The following ADAMTS13 variants were observed in gnomAD, a reference collection of about 807,000 sequenced individuals.
ADAMTS13 encodes the protein ADAM metallopeptidase with thrombospondin type 1 motif 13.
A neutral mutation model predicts 155.1 loss-of-function variants in ADAMTS13; 110 were observed. That is an observed-to-expected ratio of 0.71 (90% CI 0.61 to 0.83). The LOEUF (loss-of-function observed/expected upper bound fraction) is 0.83. ADAMTS13 is among the 40% of genes least tolerant of loss of function. The pLI is 0.00. For synonymous variants in ADAMTS13, 758 were observed against 756.4 expected (o/e 1.00, Z -0.03); for missense variants, 1,707 against 1,891.7 (o/e 0.90, Z 1.81).
intron 11 of ADAMTS13, 94 bp from the exon 12 acceptor site, chr9:133,436,735 T>G (rs912515717): frequency 7.7e-7 from 1 of 1,306,946 alleles, no homozygotes; most frequent in Admixed American, 2.0e-5. Flanking sequence ...ACCCACATCT[T>G]GATCCTGTAC....
Position 133,425,261 on chromosome 9 carries a change from G to A in ADAMTS13, c.331-268G>A, listed in dbSNP as rs1299715451. On this transcript the variant is annotated intron_variant, in intron 3 of 28. Coordinates refer to ENST00000355699, the MANE Select transcript of ADAMTS13 (RefSeq NM_139027.6). The surrounding 1 kb of genome is among the most constrained non-coding windows in gnomAD (Gnocchi z 4.6). The stretch of plus-strand genomic sequence containing the variant: ...AGCGTTTGACCGGAATATCCGACTC[G>A]TGACCATCTGTGTGCTCTCATCCCC... Among the ~76,000 whole-genome samples, 1 of 152,234 alleles carries A rather than the reference G, an allele frequency of 6.6e-6. No homozygotes were observed. The highest frequency in any genetic ancestry group is 1.5e-5 in the Non-Finnish European group (1 of 68,042).
intron 1 of ADAMTS13, among the ~76,000 whole-genome samples, chr9:133,422,752 G>T (rs587620628): frequency 6.6e-6 from 1 of 151,904 alleles, no homozygotes; most frequent in Middle Eastern, 3.2e-3. Context: ...CTGCTCATTC[G>T]GTGAAGCTGA....
rs372388727 is a variant in ADAMTS13 at position 133,445,832 on chromosome 9, G to A, written c.2731+13G>A. ...TCCTGCGGGCGAGGTGAGGGCCCCCGGGATGCTCCTGGGGACCAGCACTCA... is the reference window on the plus strand; with the variant it reads ...TCCTGCGGGCGAGGTGAGGGCCCCCAGGATGCTCCTGGGGACCAGCACTCA... On this transcript the variant is annotated intron_variant, in intron 21 of 28. Transcript: ENST00000355699. This position sits in a 1 kb window ranked among gnomAD's most constrained non-coding sequence, Gnocchi z 5.0. 7.8e-5 allele frequency: 122 copies of A among 1,566,964 alleles called. No homozygotes were observed. The highest frequency in any genetic ancestry group is 3.4e-4 in the Middle Eastern group (2 of 5,890).
chr9:133,416,596 G>T (rs1839621113), intron 1 of ADAMTS13, among the ~76,000 whole-genome samples: 1 of 152,196 alleles, frequency 6.6e-6, no homozygotes, highest in African/African-American at 2.4e-5. Context: ...AAGGGATGTG[G>T]TAAGAATGTA....
chr9:133,444,028 G>C (rs36221468), intron 19 of ADAMTS13, among the ~76,000 whole-genome samples: 15 of 152,268 alleles, frequency 9.9e-5, no homozygotes, highest in African/African-American at 3.1e-4. Context: ...CGACCTGTCC[G>C]GTGGGAGGGG....
intron 1 of ADAMTS13, among the ~76,000 whole-genome samples, chr9:133,415,313 G>A (rs1327623558): frequency 6.6e-6 from 1 of 152,040 alleles, no homozygotes; most frequent in African/African-American, 2.4e-5. Context: ...TTGAGTGGCT[G>A]GACACCACAG....
intron 9 of ADAMTS13, 88 bp downstream of exon 9, chr9:133,432,780 G>C (rs147191556): frequency 1.8e-5 from 24 of 1,313,274 alleles, no homozygotes; most frequent in Non-Finnish European, 2.4e-5. Context: ...AGGTCAGGAG[G>C]CAGGACCAGT....
upstream of ADAMTS13, among the ~76,000 whole-genome samples, chr9:133,419,148 G>A (rs1039855911): frequency 1.3e-5 from 2 of 152,110 alleles, no homozygotes; most frequent in Non-Finnish European, 2.9e-5. Flanking sequence ...CCGGGAGTGG[G>A]TAGATTTGAT....
chr9:133,444,139 C>T (rs1260243890), intron 19 of ADAMTS13, among the ~76,000 whole-genome samples: 2 of 152,172 alleles, frequency 1.3e-5, no homozygotes, highest in Non-Finnish European at 2.9e-5. Flanking sequence ...CCCGCTGAGG[C>T]CAGATAGGGC....
At position 133,424,430 on chromosome 9, in the gene ADAMTS13, GGCTCACCAGGAGGACACAGAGCGCTATGT is replaced by G. The variant is rs387906345; in HGVS notation, c.291_319del (p.Glu98ProfsTer31). 1.2e-6 allele frequency: 2 copies of G among 1,613,902 alleles called. No individual in the cohort carries two copies. Among genetic ancestry groups the G allele is most frequent in the Non-Finnish European group, 1.7e-6 (2 of 1,179,992 alleles). ...TGGCCGTGGGCCCCGATGTCTTCCA[GGCTCACCAGGAGGACACAGAGCGCTATGT>G]GCTCACCAACCTCAACATCGTGAGT... On this transcript the variant is annotated frameshift_variant, in exon 3 of 29. Transcript: ENST00000355699. LOFTEE classifies it high-confidence loss of function. The surrounding 1 kb of genome is among the most constrained non-coding windows in gnomAD (Gnocchi z 4.3).
rs782515042 is a variant in ADAMTS13 at position 133,448,748 on chromosome 9, C to CT, written c.2861+21dup. The CT allele has an allele frequency of 3.8e-6, 6 of 1,597,760 alleles. No homozygotes were observed. Among genetic ancestry groups the CT allele is most frequent in the Non-Finnish European group, 5.1e-6 (6 of 1,179,224 alleles). On this transcript the variant is annotated intron_variant, in intron 22 of 28. Coordinates refer to ENST00000355699, the MANE Select transcript of ADAMTS13 (RefSeq NM_139027.6). ...TGCTCGGTGAGTGAGGGGAGCAAGA[C>CT]TGTGTGCTGGCCTTCTCCCTGTAAG... is the stretch of plus-strand genomic sequence containing the variant.
In ADAMTS13 at chr9:133,454,422, G is replaced by A. The variant is rs781815720; in HGVS notation, c.3052G>A (p.Val1018Ile). 24 of 1,613,746 alleles carry A rather than the reference G, an allele frequency of 1.5e-5. No homozygotes were observed. The South Asian group carries it at 1.5e-4, about 10-fold the overall frequency. ...SLEPCPPRWK[V>I]MSLGPCSASC... ...GGTCTTCTCTTCCTGCAGGTGGAAA[G>A]TCATGTCCCTTGGCCCATGTTCGGC... Residue 1018 changes from valine to isoleucine, a missense_variant, in exon 24 of 29, where the codon GTC (valine) becomes ATC (isoleucine). Physicochemically the swap from Val to Ile is conservative, Grantham distance 29 (BLOSUM62 3). Coordinates refer to ENST00000355699, the MANE Select transcript of ADAMTS13 (RefSeq NM_139027.6).
rs587749758 is a variant in ADAMTS13, at chr9:133,445,669, G to C, written c.2611-30G>C. 3.7e-6 allele frequency: 6 copies of C among 1,612,550 alleles called. No individual in the cohort carries two copies. Among genetic ancestry groups the C allele is most frequent in the East Asian group, 2.2e-5 (1 of 44,872 alleles). ...TCGCTGGGTCCTCAGAGGAGGCCCA[G>C]ACCCACCAGCTTGTTGCTATTCCCC... On this transcript the variant is annotated intron_variant, in intron 20 of 28. Transcript: ENST00000355699. The surrounding 1 kb of genome is among the most constrained non-coding windows in gnomAD (Gnocchi z 5.0).
Position 133,456,915 on chromosome 9 carries a change from T to G in ADAMTS13, c.3724+196T>G, listed in dbSNP as rs1554796246. 3 of 737,286 alleles carry G rather than the reference T, an allele frequency of 4.1e-6. No individual in the cohort carries two copies. Among genetic ancestry groups the G allele is most frequent in the Non-Finnish European group, 4.8e-6 (2 of 419,228 alleles). 45.7% of individuals were successfully genotyped at this position (737,286 alleles called of 1,614,324 possible). On this transcript the variant is annotated intron_variant, in intron 27 of 28. Coordinates refer to ENST00000355699, the MANE Select transcript of ADAMTS13 (RefSeq NM_139027.6). The surrounding 1 kb of genome is among the most constrained non-coding windows in gnomAD (Gnocchi z 4.4). ...GAGGGGTCACAGGATGAATGCTATA[T>G]CCCTCCTTTTTGGGACCGTGCAGCA...
chr9:133,456,432 A>G lies in ADAMTS13; in HGVS notation c.3548-111A>G, dbSNP rs1842746195. 1 of 1,440,796 alleles carries G rather than the reference A, an allele frequency of 6.9e-7. No individual in the cohort carries two copies. Among genetic ancestry groups the G allele is most frequent in the African/African-American group, 1.4e-5 (1 of 71,282 alleles). The allele number at this position is 1,440,796 out of a possible 1,614,324, so 89.3% of individuals were successfully genotyped here. A position where few individuals can be genotyped will look rare whatever the true frequency, so the allele number is the denominator to read the frequency against. ...TGTGCCCAGTTACTTAGAGTCACAT[A>G]GCCAGCAGTGGGAGAGGTGGGACTT... On this transcript the variant is annotated intron_variant, in intron 26 of 28. Coordinates refer to ENST00000355699, the MANE Select transcript of ADAMTS13 (RefSeq NM_139027.6). The surrounding 1 kb of genome is among the most constrained non-coding windows in gnomAD (Gnocchi z 4.4).
intron 9 of ADAMTS13, 117 bp from the exon 10 acceptor site, chr9:133,433,261 T>G: frequency 7.1e-7 from 1 of 1,408,294 alleles, no homozygotes; most frequent in Admixed American, 1.7e-5. Flanking sequence ...TCGCTGTGGG[T>G]GGGGTCCCTG....
intron 6 of ADAMTS13, among the ~76,000 whole-genome samples, chr9:133,427,554 C>A (rs1840364850): frequency 6.6e-6 from 1 of 152,138 alleles, no homozygotes; most frequent in South Asian, 2.1e-4. Flanking sequence ...AGCATAGTTC[C>A]CTTCTGCTCC....
intron 8 of ADAMTS13, 76 bp from the exon 9 acceptor site, chr9:133,432,512 G>A (rs139155764): frequency 0.02 from 25,041 of 1,274,358 alleles, 302 homozygotes; most frequent in Non-Finnish European, 0.023. Flanking sequence ...GTCTGGGAGG[G>A]ACAGTTAAGG....
chr9:133,435,498 C>CT (rs148497607), intron 11 of ADAMTS13, among the ~76,000 whole-genome samples: 22 of 143,198 alleles, frequency 1.5e-4, no homozygotes, highest in South Asian at 2.2e-4. Context: ...CTATGTTTGA[C>CT]TTTTTTTTTT....
Sources: allele counts gnomAD v4.1 joint callset (sites outside exome capture counted in the v4.1 genomes callset), GRCh38; gene constraint gnomAD v4.1.1; non-coding constraint Gnocchi (gnomAD v3.1); transcripts MANE v1.5; gene names NCBI Gene and HGNC (gene_info 2026-07-23, HGNC 2026-07-21).